FRA10AC1: variants seen among roughly 807,000 people sequenced by gnomAD.
The protein encoded by FRA10AC1 is protein FRA10AC1.
Under a neutral mutation model 56.5 loss-of-function variants are expected in FRA10AC1, and 43 were observed. That is an observed-to-expected ratio of 0.76 (90% CI 0.60 to 0.98). The LOEUF (loss-of-function observed/expected upper bound fraction) is 0.98. FRA10AC1 is among the 50% of genes least tolerant of loss of function. The probability of loss-of-function intolerance (pLI) is 0.00; values close to 1 mark genes in which losing one functional copy is unlikely to be tolerated. For missense variants in FRA10AC1, 346 were observed against 351.8 expected (o/e 0.98, Z 0.13); for synonymous variants, 112 against 110.5 (o/e 1.01, Z -0.09).
At chr10:93,685,844 T>C (rs1434358885) in intron 8 of FRA10AC1, among the ~76,000 whole-genome samples, 1 of 151,882 alleles carries the variant, frequency 6.6e-6, no homozygotes, top group East Asian at 1.9e-4. Flanking sequence ...ATAATGACAT[T>C]TATTTTAAAT....
intron 8 of FRA10AC1, among the ~76,000 whole-genome samples, chr10:93,687,080 TAAAG>T (rs1255983391): frequency 6.6e-6 from 1 of 151,868 alleles, no homozygotes; most frequent in Non-Finnish European, 1.5e-5. Flanking sequence ...CAAAAATTAA[TAAAG>T]AAAGGAAAAA....
chr10:93,692,340 G>A (rs2059137842), intron 6 of FRA10AC1, among the ~76,000 whole-genome samples: 1 of 151,952 alleles, frequency 6.6e-6, no homozygotes, highest in Admixed American at 6.6e-5. Context: ...GTAATGTTTG[G>A]ATTTAAAAAA....
At chr10:93,672,046 T>C (rs1423092813) in intron 12 of FRA10AC1, 1 of 450,004 alleles carries the variant, frequency 2.2e-6, no homozygotes, top group Non-Finnish European at 4.4e-6. Context: ...ACTCACAAAG[T>C]AGTTACATTA....
rs1386775859 is a variant in FRA10AC1, at chr10:93,698,130, G to C, written c.219+6C>G. On this transcript the variant is annotated splice_donor_region_variant and intron_variant, in intron 4 of 13. Transcript: ENST00000359204. Reference sequence around the variant, plus strand: ...TTATAAAAATCTGGAAATAAAAAAAGGATACAGCATCCATAGCTATGAGAT... The same window carrying C: ...TTATAAAAATCTGGAAATAAAAAAACGATACAGCATCCATAGCTATGAGAT... The C allele has an allele frequency of 2.7e-6, 4 of 1,498,572 alleles. No homozygotes were observed. In the African/African-American group the frequency reaches 5.7e-5, roughly 21 times the overall value. The allele number at this position is 1,498,572 out of a possible 1,614,324, so 92.8% of individuals were successfully genotyped here. A position where few individuals can be genotyped will look rare whatever the true frequency, so the allele number is the denominator to read the frequency against.
In FRA10AC1 at chr10:93,694,924, G is replaced by C. The variant is rs2275438; in HGVS notation, c.233C>G (p.Thr78Arg). ...LIAMDAYQRH[T>R]KFVNDYILYY... ...TAAAATATAGTCATTTACGAACTTT[G>C]TATGTCTTTGATACTGAAATGCAAA... Residue 78 changes from threonine (T) to arginine (R), a missense_variant, in exon 5 of 14, where the codon ACA (threonine) becomes AGA (arginine). By Grantham distance (71) the Thr-to-Arg change is moderately conservative (BLOSUM62 -1). Transcript: ENST00000359204. 0.48 allele frequency: 734,342 copies of C among 1,521,390 alleles called. 183,735 individuals carry two copies. The highest frequency in any genetic ancestry group is 0.51 in the Non-Finnish European group (556,057 of 1,096,368). 94.2% of individuals were successfully genotyped at this position (1,521,390 alleles called of 1,614,324 possible).
intron 7 of FRA10AC1, among the ~76,000 whole-genome samples, chr10:93,690,758 G>A (rs2059112466): frequency 1.3e-5 from 2 of 152,292 alleles, no homozygotes; most frequent in South Asian, 4.1e-4. Flanking sequence ...TCCAATTACT[G>A]TGGTGCTTTT....
intron 11 of FRA10AC1, among the ~76,000 whole-genome samples, chr10:93,677,762 C>T (rs2058868658): frequency 6.6e-6 from 1 of 152,190 alleles, no homozygotes; most frequent in Non-Finnish European, 1.5e-5. Flanking sequence ...GCCCTGGGAA[C>T]TTGTTAGTAG....
chr10:93,695,475 T>G (rs913431861), intron 4 of FRA10AC1, among the ~76,000 whole-genome samples: 1 of 152,006 alleles, frequency 6.6e-6, no homozygotes, highest in African/African-American at 2.4e-5. Flanking sequence ...TTATAGTCTT[T>G]TAAATTCAAA....
At chr10:93,697,004 T>C (rs829105) in intron 4 of FRA10AC1, among the ~76,000 whole-genome samples, 128,392 of 152,184 alleles carry the variant, frequency 0.84, 54,696 homozygotes, top group African/African-American at 0.96. Context: ...ACCACCATGG[T>C]ACATGTATAC....
At chr10:93,676,908 C>A (rs2133900248) in intron 11 of FRA10AC1, among the ~76,000 whole-genome samples, 1 of 152,068 alleles carries the variant, frequency 6.6e-6, no homozygotes, top group African/African-American at 2.4e-5. Context: ...CTCATATGGT[C>A]TGTAATAGCC....
chr10:93,673,843 T>A (rs147397518), intron 12 of FRA10AC1: 5 of 424,848 alleles, frequency 1.2e-5, no homozygotes, highest in African/African-American at 2.1e-5. Flanking sequence ...AAGTGAAACA[T>A]AGATCAAATC....
intron 9 of FRA10AC1, among the ~76,000 whole-genome samples, chr10:93,684,765 A>G (rs188346273): frequency 6.6e-5 from 10 of 152,306 alleles, no homozygotes; most frequent in Admixed American, 5.9e-4. Flanking sequence ...ATCCTAAGGG[A>G]AACTGCTGTA....
chr10:93,690,241 C>G (rs747382433), intron 7 of FRA10AC1, among the ~76,000 whole-genome samples: 2 of 152,040 alleles, frequency 1.3e-5, no homozygotes, highest in Non-Finnish European at 2.9e-5. Context: ...ATCTTCCCCC[C>G]ACAAAAAAAA....
intron 2 of FRA10AC1, 46 bp downstream of exon 2, chr10:93,699,984 T>A (rs1279538308): frequency 9.9e-7 from 1 of 1,012,944 alleles, no homozygotes. Flanking sequence ...TTCATATTAA[T>A]CTAGAAAGGA....
In FRA10AC1 at chr10:93,681,510, C is replaced by A. The variant is rs2133908733; in HGVS notation, c.757G>T (p.Ala253Ser). The A allele has an allele frequency of 6.3e-7, 1 of 1,580,096 alleles. No individual in the cohort carries two copies. ...TCTTTTTTCTTGGAGGCCTCTTCTG[C>A]AGAAGATAATCTGGATTTTTTATGT... ...SSHKKSRLSSAEEASKKKDKG... is the reference protein window; with the variant it reads ...SSHKKSRLSSSEEASKKKDKG... Residue 253 changes from alanine to serine, a missense_variant, in exon 11 of 14, where the codon GCA (alanine) becomes TCA (serine). By Grantham distance (99) the Ala-to-Ser change is moderately conservative. Transcript: ENST00000359204.
At chr10:93,688,177 C>T (rs1205153780) in intron 7 of FRA10AC1, among the ~76,000 whole-genome samples, 1 of 152,058 alleles carries the variant, frequency 6.6e-6, no homozygotes, top group African/African-American at 2.4e-5. Context: ...TAATATTATT[C>T]AGTGGTAAGA....
At chr10:93,672,617 C>G (rs939612059) in intron 12 of FRA10AC1, 5 of 152,240 alleles carry the variant, frequency 3.3e-5, no homozygotes, top group Non-Finnish European at 5.9e-5. Flanking sequence ...TCCAAGAGTA[C>G]TTCCCACATG....
chr10:93,682,606 G>A (rs1014123444), intron 10 of FRA10AC1, among the ~76,000 whole-genome samples: 3 of 152,108 alleles, frequency 2.0e-5, no homozygotes, highest in African/African-American at 7.2e-5. Context: ...TTTGAGACCA[G>A]CCTGGGCAAC....
At chr10:93,693,787 A>C (rs1484057230) in intron 5 of FRA10AC1, among the ~76,000 whole-genome samples, 1 of 150,972 alleles carries the variant, frequency 6.6e-6, no homozygotes, top group Non-Finnish European at 1.5e-5. Context: ...ACTTGGATGG[A>C]GCTGGAGGCC....
Sources: gnomAD v4.1 joint callset for allele counts (sites outside exome capture counted in the v4.1 genomes callset) on GRCh38, gnomAD v4.1.1 for gene constraint, MANE v1.5 for transcripts, NCBI Gene and HGNC (gene_info 2026-07-23, HGNC 2026-07-21) for gene names.